The following ERCC6 variants were observed in gnomAD, a reference collection of about 807,000 sequenced individuals.
The protein encoded by ERCC6 is DNA excision repair protein ERCC-6.
Under a neutral mutation model 158.7 loss-of-function variants are expected in ERCC6, and 116 were observed. The observed-to-expected ratio is 0.73, with a 90% CI of 0.63 to 0.85. The LOEUF is 0.85. Among genes scored for constraint, ERCC6 ranks in the 40% least tolerant of loss-of-function variants. The pLI, the probability that ERCC6 is intolerant of heterozygous loss-of-function variation, is 0.00. For synonymous variants in ERCC6, 678 were observed against 659.3 expected (o/e 1.03, Z -0.43); for missense variants, 1,698 against 1,799.4 (o/e 0.94, Z 1.02).
intron 8 of ERCC6, 42 bp downstream of exon 8, chr10:49,493,075 G>A: frequency 6.2e-7 from 1 of 1,602,706 alleles, no homozygotes; most frequent in Non-Finnish European, 8.5e-7. Context: ...TAAAATGGAG[G>A]GCATTAAAAC....
intron 8 of ERCC6, among the ~76,000 whole-genome samples, chr10:49,486,566 A>G (rs1022453530): frequency 7.2e-5 from 11 of 152,244 alleles, no homozygotes; most frequent in Non-Finnish European, 1.5e-4. Flanking sequence ...AGCATCAGAA[A>G]TGTCAAAGGA....
chr10:49,482,107 T>C (rs1325246226), intron 10 of ERCC6, among the ~76,000 whole-genome samples: 2 of 152,184 alleles, frequency 1.3e-5, no homozygotes, highest in African/African-American at 4.8e-5. Context: ...TCCAGTCAAG[T>C]GGGTCTCTTC....
intron 18 of ERCC6, among the ~76,000 whole-genome samples, chr10:49,469,682 A>T (rs1850737830): frequency 2.6e-5 from 4 of 152,196 alleles, no homozygotes; most frequent in Admixed American, 2.0e-4. Context: ...CTGCTAAGGG[A>T]TCACTAAGCA....
chr10:49,469,201 G>C (rs1850728791), intron 18 of ERCC6, among the ~76,000 whole-genome samples: 1 of 152,146 alleles, frequency 6.6e-6, no homozygotes, highest in African/African-American at 2.4e-5. Context: ...CATATTCCTT[G>C]AAAGCACAAA....
intron 15 of ERCC6, 97 bp from the exon 16 acceptor site, chr10:49,472,567 CCA>C: frequency 7.8e-7 from 1 of 1,286,708 alleles, no homozygotes; most frequent in Non-Finnish European, 1.1e-6. Context: ...CCTGTCACTC[CCA>C]GAGTTAGAAT....
Position 49,470,985 on chromosome 10 carries a change from TG to T in ERCC6, c.3059del (p.Ala1020GlufsTer17), listed in dbSNP as rs773944918. The T allele has an allele frequency of 2.5e-6, 4 of 1,614,096 alleles. No individual in the cohort carries two copies. Among genetic ancestry groups the T allele is most frequent in the Non-Finnish European group, 3.4e-6 (4 of 1,180,028 alleles). The stretch of plus-strand genomic sequence containing the variant: ...GATTTTATGTAATACCTGCAAAAAT[TG>T]CACTTGTTTCAGTGCTCTGGGATGC... ...PDASQSTETSAIFAGTGSDVQ... is the reference protein window; with the variant it reads ...PDASQSTETSXIFAGTGSDVQ... On this transcript the variant is annotated frameshift_variant, in exon 17 of 21. Coordinates refer to ENST00000355832, the MANE Select transcript of ERCC6 (RefSeq NM_000124.4). LOFTEE classifies it high-confidence loss of function.
chr10:49,513,823 CA>C (rs1836874318), intron 5 of ERCC6, among the ~76,000 whole-genome samples: 1 of 151,936 alleles, frequency 6.6e-6, no homozygotes, highest in South Asian at 2.1e-4. Context: ...AAAGCCAAAC[CA>C]TATCAATACT....
At chr10:49,520,761 A>G (rs1837134969) in intron 5 of ERCC6, among the ~76,000 whole-genome samples, 2 of 152,138 alleles carry the variant, frequency 1.3e-5, no homozygotes, top group Admixed American at 1.3e-4. Flanking sequence ...TGGAAAGTGA[A>G]GCCCACCTGC....
intron 10 of ERCC6, among the ~76,000 whole-genome samples, chr10:49,482,017 G>A (rs1489587320): frequency 6.6e-6 from 1 of 152,122 alleles, no homozygotes; most frequent in Non-Finnish European, 1.5e-5. Context: ...AGCCCTCCCT[G>A]AGTGCCACTG....
chr10:49,530,539 T>C (rs1837445467), intron 3 of ERCC6, among the ~76,000 whole-genome samples, 181 bp downstream of exon 3: 1 of 152,170 alleles, frequency 6.6e-6, no homozygotes, highest in Non-Finnish European at 1.5e-5. Context: ...TGCAATAGAA[T>C]GGGATGTTAA....
At chr10:49,496,048 C>G (rs906331183) in intron 7 of ERCC6, among the ~76,000 whole-genome samples, 6 of 152,234 alleles carry the variant, frequency 3.9e-5, no homozygotes, top group Non-Finnish European at 7.3e-5. Flanking sequence ...TATCCTACCA[C>G]TTGCTCCTGT....
intron 5 of ERCC6, chr10:49,515,120 T>TTATG: frequency 8.7e-7 from 1 of 1,151,202 alleles, no homozygotes; most frequent in Non-Finnish European, 1.1e-6. Context: ...TTTAACCCAT[T>TTATG]TATGTCTGAG....
In ERCC6 at chr10:49,455,842, G is replaced by A. The variant is rs951313840; in HGVS notation, c.*2973C>T. 6.6e-6 allele frequency: 1 copy of A among 152,162 alleles called. No homozygotes were observed. The highest frequency in any genetic ancestry group is 1.5e-5 in the Non-Finnish European group (1 of 68,040). The allele number at this position is 152,162 out of a possible 1,614,324, so 9.4% of individuals were successfully genotyped here. Reference sequence around the variant, plus strand: ...ACAAGGTACTTTCAATCACGAGACTGGTTAAAACAAAACAAAACAACCTAT... The same window carrying A: ...ACAAGGTACTTTCAATCACGAGACTAGTTAAAACAAAACAAAACAACCTAT... On this transcript the variant is annotated 3_prime_UTR_variant, in exon 21 of 21. Transcript: ENST00000355832.
intron 18 of ERCC6, among the ~76,000 whole-genome samples, chr10:49,465,159 C>T (rs532161226): frequency 2.6e-5 from 4 of 152,340 alleles, no homozygotes; most frequent in African/African-American, 9.6e-5. Flanking sequence ...CATAGGAACC[C>T]ACCTCTTGCA....
Position 49,523,501 on chromosome 10 carries a change from T to C in ERCC6, c.1397+532A>G, listed in dbSNP as rs116896972. Among the ~76,000 whole-genome samples, 1,086 of 152,380 alleles carry C rather than the reference T, an allele frequency of 7.1e-3. 9 individuals are homozygous for C. The highest frequency in any genetic ancestry group is 0.011 in the Non-Finnish European group (729 of 68,036). ...CATACAAAGTACACTTTTTGCATGA[T>C]GGTGGCTTATAATTATGCAGATGAC... On this transcript the variant is annotated intron_variant, in intron 5 of 20. Coordinates refer to ENST00000355832, the MANE Select transcript of ERCC6 (RefSeq NM_000124.4).
In ERCC6 at chr10:49,473,328, T is replaced by C. The variant is rs565142205; in HGVS notation, c.2709+149A>G. The C allele has an allele frequency of 1.8e-4, 134 of 747,034 alleles. 1 individual carries two copies. The East Asian group carries it at 3.4e-3, about 19-fold the overall frequency. The allele number at this position is 747,034 out of a possible 1,614,324, so 46.3% of individuals were successfully genotyped here. On this transcript the variant is annotated intron_variant, in intron 14 of 20. Transcript: ENST00000355832. ...CCCCCAAATATCCAGAAGTAGGGCA[T>C]AGAGTTAAAAACAACAAGTCTCCCC...
chr10:49,514,594 G>A (rs911667101), intron 5 of ERCC6, among the ~76,000 whole-genome samples: 9 of 152,276 alleles, frequency 5.9e-5, no homozygotes, highest in East Asian at 1.9e-4. Flanking sequence ...AATCTACACC[G>A]TCTGTAAGGA....
intron 4 of ERCC6, among the ~76,000 whole-genome samples, chr10:49,526,091 T>C (rs866820907): frequency 9.2e-6 from 1 of 108,692 alleles, no homozygotes; most frequent in African/African-American, 3.7e-5. Flanking sequence ...TTATTTATAT[T>C]TATATATTTA....
At position 49,458,653 on chromosome 10, in the gene ERCC6, A is replaced by C; in HGVS notation, c.*162T>G. ...TATTAAAACTTTTAACTTTCAGAGA[A>C]GAGTTTCTTCTTCCTTAAAGTTTTA... is the stretch of plus-strand genomic sequence containing the variant. On this transcript the variant is annotated 3_prime_UTR_variant, in exon 21 of 21. Coordinates refer to ENST00000355832, the MANE Select transcript of ERCC6 (RefSeq NM_000124.4). The C allele has an allele frequency of 1.4e-6, 1 of 696,066 alleles. No individual in the cohort carries two copies. The highest frequency in any genetic ancestry group is 1.9e-5 in the South Asian group (1 of 53,068). The allele number at this position is 696,066 out of a possible 1,614,324, so 43.1% of individuals were successfully genotyped here. A position where few individuals can be genotyped will look rare whatever the true frequency, so the allele number is the denominator to read the frequency against.
Sources: gnomAD v4.1 joint callset for allele counts (sites outside exome capture counted in the v4.1 genomes callset) on GRCh38, gnomAD v4.1.1 for gene constraint, MANE v1.5 for transcripts, NCBI Gene and HGNC (gene_info 2026-07-23, HGNC 2026-07-21) for gene names.